COL24A1: variants seen among roughly 807,000 people sequenced by gnomAD.
COL24A1 encodes the protein collagen type XXIV alpha 1 chain, also known as collagen alpha-1(XXIV) chain.
A neutral mutation model predicts 253.9 loss-of-function variants in COL24A1; 224 were observed. That is an observed-to-expected ratio of 0.88 (90% CI 0.79 to 0.99). COL24A1 has a LOEUF of 0.99. COL24A1 is among the 50% of genes least tolerant of loss of function. The pLI is 0.00. For synonymous variants in COL24A1, 685 were observed against 673.7 expected (o/e 1.02, Z -0.26); for missense variants, 2,131 against 2,068.5 (o/e 1.03, Z -0.59).
chr1:85,764,918 A>G (rs1667208852), intron 53 of COL24A1, among the ~76,000 whole-genome samples: 1 of 152,086 alleles, frequency 6.6e-6, no homozygotes, highest in Non-Finnish European at 1.5e-5. Context: ...GACCTACCTC[A>G]TGTTTTTTAT....
intron 7 of COL24A1, among the ~76,000 whole-genome samples, chr1:86,076,155 A>C (rs1053940313): frequency 6.6e-6 from 1 of 152,180 alleles, no homozygotes; most frequent in Non-Finnish European, 1.5e-5. Context: ...CCATCACCTC[A>C]GCCCCAAATC....
At chr1:85,833,482 A>C (rs1383453078) in intron 43 of COL24A1, among the ~76,000 whole-genome samples, 2 of 152,294 alleles carry the variant, frequency 1.3e-5, no homozygotes, top group Admixed American at 6.5e-5. Context: ...GCTGGAGAGG[A>C]TGTGGAGAAA....
chr1:85,853,277 T>C (rs898548744), intron 37 of COL24A1, among the ~76,000 whole-genome samples: 8 of 152,226 alleles, frequency 5.3e-5, no homozygotes, highest in Non-Finnish European at 1.0e-4. Context: ...GCTGCATCCA[T>C]GTTGCTGGTT....
At chr1:85,964,613 C>A (rs929458750) in intron 23 of COL24A1, among the ~76,000 whole-genome samples, 1 of 152,082 alleles carries the variant, frequency 6.6e-6, no homozygotes, top group Non-Finnish European at 1.5e-5. Flanking sequence ...CATCCAAAAT[C>A]TGAAGATCTG....
chr1:85,769,629 G>A lies in COL24A1; in HGVS notation c.4374+6045C>T, dbSNP rs367984472. Reference sequence around the variant, plus strand: ...AACAGGTACAAAAGCCAGGAAGTGCGACGAGAGAAGAAAGAACAAGGAGAG... The same window carrying A: ...AACAGGTACAAAAGCCAGGAAGTGCAACGAGAGAAGAAAGAACAAGGAGAG... On this transcript the variant is annotated intron_variant, in intron 53 of 59. Coordinates refer to ENST00000370571, the MANE Select transcript of COL24A1 (RefSeq NM_152890.7). 3.9e-5 allele frequency among the ~76,000 whole-genome samples: 6 copies of A among 152,064 alleles called. No homozygotes were observed. In the East Asian group the frequency reaches 9.6e-4, roughly 24 times the overall value.
chr1:86,149,282 A>C (rs1652393065), intron 1 of COL24A1, among the ~76,000 whole-genome samples: 1 of 152,208 alleles, frequency 6.6e-6, no homozygotes, highest in Non-Finnish European at 1.5e-5. Flanking sequence ...TAACACAGGC[A>C]TTTTAAAACA....
At chr1:86,096,712 C>A (rs1228475166) in intron 5 of COL24A1, among the ~76,000 whole-genome samples, 1 of 152,130 alleles carries the variant, frequency 6.6e-6, no homozygotes, top group Non-Finnish European at 1.5e-5. Flanking sequence ...TAAATTCTAT[C>A]TATTCTGCAC....
chr1:86,022,124 A>G (rs1697592318), intron 18 of COL24A1, 116 bp downstream of exon 18: 4 of 916,388 alleles, frequency 4.4e-6, no homozygotes, highest in Non-Finnish European at 7.2e-6. Flanking sequence ...ATATTCTAAA[A>G]CTAAGGAGAC....
At chr1:86,124,818 G>A (rs1357504279) in intron 3 of COL24A1, 27 bp downstream of exon 3, 1 of 1,484,894 alleles carries the variant, frequency 6.7e-7, no homozygotes, top group African/African-American at 1.4e-5. Flanking sequence ...TAGCATATTA[G>A]GAGATATTAA....
At chr1:85,793,974 A>G (rs943500333) in intron 47 of COL24A1, among the ~76,000 whole-genome samples, 1 of 152,176 alleles carries the variant, frequency 6.6e-6, no homozygotes, top group Non-Finnish European at 1.5e-5. Flanking sequence ...CAGATTTTAA[A>G]AAGTCATATA....
In COL24A1 at chr1:85,911,391, T is replaced by C. The variant is rs912655571; in HGVS notation, c.2605A>G (p.Ile869Val). The change falls in exon 25 of 60, where the codon ATT becomes GTT. Residue 869 changes from isoleucine to valine, a missense_variant. Transcript: ENST00000370571. ...TCTTAAAAAATTACCTTTTCGCCAA[T>C]GCTTCCAGTCATCCCAACTTCTCCA... ...LPGEVGMTGS[I>V]GEKGERGSPG... The C allele has an allele frequency of 4.3e-6, 7 of 1,611,712 alleles. No individual in the cohort carries two copies. In the Admixed American group the frequency reaches 8.4e-5, roughly 19 times the overall value.
At chr1:86,094,478 A>C (rs1453698851) in intron 5 of COL24A1, among the ~76,000 whole-genome samples, 1 of 137,000 alleles carries the variant, frequency 7.3e-6, no homozygotes, top group Non-Finnish European at 1.7e-5. Flanking sequence ...AACAACAGAC[A>C]TAGGGTGGGA....
intron 39 of COL24A1, among the ~76,000 whole-genome samples, chr1:85,845,480 A>G (rs1295490512): frequency 6.6e-6 from 1 of 151,948 alleles, no homozygotes; most frequent in Non-Finnish European, 1.5e-5. Context: ...TAAGCATTAG[A>G]AGCATTTTCA....
chr1:85,845,592 G>A (rs1193625799), intron 39 of COL24A1, among the ~76,000 whole-genome samples: 1 of 151,724 alleles, frequency 6.6e-6, no homozygotes, highest in Non-Finnish European at 1.5e-5. Flanking sequence ...AGCAAATAAG[G>A]GGAGGCAATA....
chr1:85,941,006 C>A (rs1688708983), intron 24 of COL24A1, among the ~76,000 whole-genome samples: 1 of 152,122 alleles, frequency 6.6e-6, no homozygotes, highest in African/African-American at 2.4e-5. Context: ...ATCCACCTAA[C>A]TTGGTTGAAC....
intron 24 of COL24A1, among the ~76,000 whole-genome samples, chr1:85,917,973 G>A (rs1453042569): frequency 6.6e-6 from 1 of 152,168 alleles, no homozygotes; most frequent in Non-Finnish European, 1.5e-5. Context: ...CTTCCAAAGT[G>A]CTGGGATTAC....
At chr1:85,799,211 A>G (rs1047263772) in intron 47 of COL24A1, among the ~76,000 whole-genome samples, 1 of 137,548 alleles carries the variant, frequency 7.3e-6, no homozygotes, top group African/African-American at 2.8e-5. Context: ...TTGGCCACAT[A>G]AAAGAAAGAA....
intron 12 of COL24A1, chr1:86,046,042 T>G (rs1226742267): frequency 1.9e-5 from 4 of 206,918 alleles, no homozygotes; most frequent in Non-Finnish European, 4.0e-5. Flanking sequence ...CTCACCTATA[T>G]TATGGTGACA....
intron 5 of COL24A1, among the ~76,000 whole-genome samples, chr1:86,094,817 A>G (rs989791095): frequency 6.6e-6 from 1 of 152,012 alleles, no homozygotes; most frequent in Non-Finnish European, 1.5e-5. Context: ...TAATATACTT[A>G]GAATTTATAA....
Sources: allele counts gnomAD v4.1 joint callset (sites outside exome capture counted in the v4.1 genomes callset), GRCh38; gene constraint gnomAD v4.1.1; transcripts MANE v1.5; gene names NCBI Gene and HGNC (gene_info 2026-07-23, HGNC 2026-07-21).